The following PPM1L variants were observed in gnomAD, a reference collection of about 807,000 sequenced individuals.
PPM1L encodes the protein protein phosphatase, Mg2+/Mn2+ dependent 1L.
In PPM1L, 13 loss-of-function variants were observed where a neutral mutation model predicts 31.4. That is an observed-to-expected ratio of 0.41 (90% confidence interval 0.27 to 0.66). The LOEUF is 0.66. PPM1L is among the 30% of genes least tolerant of loss of function. The pLI is 0.29. For missense variants in PPM1L, 326 were observed against 453.7 expected, an observed-to-expected ratio of 0.72 and a Z score of 2.56; for synonymous variants, 184 against 175.4, an observed-to-expected ratio of 1.05 and a Z score of -0.39.
chr3:160,875,045 A>G (rs1017089577), intron 1 of PPM1L, among the ~76,000 whole-genome samples: 1 of 152,192 alleles, frequency 6.6e-6, no homozygotes, highest in Non-Finnish European at 1.5e-5. Flanking sequence ...CATGAACAAA[A>G]TGAACATTGT....
At chr3:160,757,297 A>C (rs749907125) in intron 1 of PPM1L, among the ~76,000 whole-genome samples, 20 of 152,232 alleles carry the variant, frequency 1.3e-4, no homozygotes, top group Admixed American at 2.6e-4. Flanking sequence ...GCCAATTGAC[A>C]GGAGCGCCTC....
intron 1 of PPM1L, among the ~76,000 whole-genome samples, chr3:160,889,795 G>A (rs925162845): frequency 6.6e-6 from 1 of 152,062 alleles, no homozygotes; most frequent in Non-Finnish European, 1.5e-5. Context: ...ATCAAAAAAC[G>A]TATCCACCAC....
intron 1 of PPM1L, among the ~76,000 whole-genome samples, chr3:160,842,629 A>G (rs1306680872): frequency 1.3e-5 from 2 of 152,154 alleles, no homozygotes; most frequent in African/African-American, 4.8e-5. Flanking sequence ...TAGCTGCTTA[A>G]TTCTCTTTAT....
chr3:160,995,934 G>C (rs1459763613), intron 2 of PPM1L, among the ~76,000 whole-genome samples: 2 of 152,118 alleles, frequency 1.3e-5, no homozygotes, highest in Non-Finnish European at 2.9e-5. Context: ...AGGGTAAGAT[G>C]TGAAATATTC....
chr3:161,047,395 C>A (rs1002919535), intron 2 of PPM1L, among the ~76,000 whole-genome samples: 1 of 152,104 alleles, frequency 6.6e-6, no homozygotes, highest in Non-Finnish European at 1.5e-5. Context: ...TGAAGGACCT[C>A]TTCAAGGAGA....
Position 160,835,050 on chromosome 3 carries a change from T to C in PPM1L, c.399+78343T>C, listed in dbSNP as rs138002772. ...CTATTACTACTACTACTTCTTCTTC[T>C]TCTTCTTCTTCTTCTTCTTCTTCTT... On this transcript the variant is annotated intron_variant, in intron 1 of 3. Transcript: ENST00000498165. 2.6e-3 allele frequency among the ~76,000 whole-genome samples: 309 copies of C among 120,592 alleles called. 2 individuals are homozygous for C. The highest frequency in any genetic ancestry group is 0.014 in the African/African-American group (280 of 20,476). 79.1% of individuals were successfully genotyped at this position (120,592 alleles called of 152,430 possible). A position where few individuals can be genotyped will look rare whatever the true frequency, so the allele number is the denominator to read the frequency against.
At chr3:160,935,237 T>G (rs1472608233) in intron 1 of PPM1L, among the ~76,000 whole-genome samples, 1 of 152,170 alleles carries the variant, frequency 6.6e-6, no homozygotes, top group Non-Finnish European at 1.5e-5. Flanking sequence ...TAATAACTCC[T>G]GTTAACTTTA....
chr3:160,853,648 G>T (rs969323653), intron 1 of PPM1L, among the ~76,000 whole-genome samples: 4 of 151,820 alleles, frequency 2.6e-5, no homozygotes, highest in African/African-American at 9.7e-5. Flanking sequence ...AATAATAAGG[G>T]GTACATTTGG....
At chr3:160,930,841 T>TA (rs11410815) in intron 1 of PPM1L, among the ~76,000 whole-genome samples, 127,247 of 151,996 alleles carry the variant, frequency 0.84, 53,703 homozygotes, top group Middle Eastern at 0.93. Flanking sequence ...TGCCTTGAGG[T>TA]ACCTCTAACT....
At chr3:160,764,339 A>G (rs1029200962) in intron 1 of PPM1L, among the ~76,000 whole-genome samples, 3 of 152,146 alleles carry the variant, frequency 2.0e-5, no homozygotes, top group African/African-American at 4.8e-5. Context: ...ATAATTTTAC[A>G]TAATTATAAA....
At chr3:160,851,877 CT>C (rs1421231859) in intron 1 of PPM1L, among the ~76,000 whole-genome samples, 2 of 152,184 alleles carry the variant, frequency 1.3e-5, no homozygotes, top group African/African-American at 4.8e-5. Context: ...CTTCCATTGT[CT>C]TTCAAATATC....
chr3:161,050,249 G>T (rs938257556), intron 2 of PPM1L, among the ~76,000 whole-genome samples: 1 of 152,194 alleles, frequency 6.6e-6, no homozygotes, highest in Non-Finnish European at 1.5e-5. Context: ...TGAAATGACA[G>T]GTTGATCCAG....
chr3:160,987,492 G>C (rs569709235), intron 2 of PPM1L, among the ~76,000 whole-genome samples: 1 of 152,300 alleles, frequency 6.6e-6, no homozygotes, highest in Non-Finnish European at 1.5e-5. Context: ...GTTCCTCTTA[G>C]ATCCCAGCCA....
rs149868982 is a variant in PPM1L, at chr3:160,756,752, C to CTCGT, written c.399+45_399+46insTCGT. ...TTTGTATTTGTGTCCGTGTATGTCT[C>CTCGT]GTGTGTGTGTGTGTGTGTGTGTGTG... On this transcript the variant is annotated intron_variant, in intron 1 of 3. Coordinates refer to ENST00000498165, the MANE Select transcript of PPM1L (RefSeq NM_139245.4). The surrounding 1 kb of genome is among the most constrained non-coding windows in gnomAD (Gnocchi z 6.2). The CTCGT allele has an allele frequency of 2.6e-5, 26 of 1,016,702 alleles. No individual in the cohort carries two copies. The African/African-American group carries it at 4.5e-4, about 18-fold the overall frequency. The allele number at this position is 1,016,702 out of a possible 1,614,324, so 63.0% of individuals were successfully genotyped here.
intron 2 of PPM1L, among the ~76,000 whole-genome samples, chr3:161,026,523 C>G (rs1451973891): frequency 6.6e-6 from 1 of 152,014 alleles, no homozygotes; most frequent in Non-Finnish European, 1.5e-5. Context: ...TGGCAAAACC[C>G]TTTCTTTACT....
intron 1 of PPM1L, among the ~76,000 whole-genome samples, chr3:160,807,835 C>G (rs1576647042): frequency 6.8e-6 from 1 of 147,886 alleles, no homozygotes; most frequent in South Asian, 2.1e-4. Flanking sequence ...TGAATGATGA[C>G]TTGACTTTGT....
chr3:161,043,037 G>GTT (rs1221673583), intron 2 of PPM1L, among the ~76,000 whole-genome samples: 4 of 114,212 alleles, frequency 3.5e-5, no homozygotes, highest in African/African-American at 1.2e-4. Flanking sequence ...AAAAAAAATT[G>GTT]TTATTTTTTT....
intron 1 of PPM1L, among the ~76,000 whole-genome samples, chr3:160,892,952 T>G (rs1713207343): frequency 6.6e-6 from 1 of 152,178 alleles, no homozygotes; most frequent in Non-Finnish European, 1.5e-5. Context: ...TGTTTGATAT[T>G]TTAACAAAGA....
rs1408081507 is a variant in PPM1L, at chr3:161,077,000, C to G, written c.*7843C>G. 6.6e-6 allele frequency: 1 copy of G among 152,126 alleles called. No homozygotes were observed. Among genetic ancestry groups the G allele is most frequent in the African/African-American group, 2.4e-5 (1 of 41,412 alleles). 9.4% of individuals were successfully genotyped at this position (152,126 alleles called of 1,614,324 possible). ...TTTTTGTGTGAGCATCTACTATGTG[C>G]CAGGCAGTGACTGTGTCTGAGTGAA... is the stretch of plus-strand genomic sequence containing the variant. On this transcript the variant is annotated 3_prime_UTR_variant, in exon 4 of 4. Coordinates refer to ENST00000498165, the MANE Select transcript of PPM1L (RefSeq NM_139245.4).
Sources: allele counts gnomAD v4.1 joint callset (sites outside exome capture counted in the v4.1 genomes callset), GRCh38; gene constraint gnomAD v4.1.1; non-coding constraint Gnocchi (gnomAD v3.1); transcripts MANE v1.5; gene names NCBI Gene and HGNC (gene_info 2026-07-23, HGNC 2026-07-21).